PRMT7: variants seen among roughly 807,000 people sequenced by gnomAD.
The protein encoded by PRMT7 is protein arginine N-methyltransferase 7.
In PRMT7, 75 loss-of-function variants were observed where a neutral mutation model predicts 85.4. That is an observed-to-expected ratio of 0.88 (90% CI 0.73 to 1.06). The LOEUF is 1.06. Ranked by LOEUF, PRMT7 falls within the 50% of genes least tolerant of loss-of-function variation. PRMT7 has a pLI of 0.00. For missense variants in PRMT7, 868 were observed against 915.2 expected (o/e 0.95, Z 0.67); for synonymous variants, 397 against 359.5 (o/e 1.10, Z -1.18).
Position 68,339,788 on chromosome 16 carries a change from C to G in PRMT7, c.747C>G (p.Ser249Arg), listed in dbSNP as rs761909113. Residue 249 changes from serine (S) to arginine (R), a missense_variant and splice_region_variant, in exon 9 of 19, where the codon AGC becomes AGG. Physicochemically the swap from Ser to Arg is moderately radical, Grantham distance 110 (BLOSUM62 -1). Transcript: ENST00000441236. ...TACATTCTTGAATATTATTCCTCAG[C>G]ATAGACTTCAGCAAGCAAGTCAGTA... ...TVLSDVLPMF[S>R]IDFSKQVSSS... The G allele has an allele frequency of 3.1e-6, 5 of 1,612,806 alleles. No individual in the cohort carries two copies. Among genetic ancestry groups the G allele is most frequent in the Non-Finnish European group, 3.4e-6 (4 of 1,178,764 alleles).
chr16:68,348,523 T>A, intron 14 of PRMT7, 92 bp downstream of exon 14: 2 of 1,003,180 alleles, frequency 2.0e-6, no homozygotes, highest in Non-Finnish European at 3.0e-6. Context: ...GTCCCTGGAG[T>A]CTCACAGTGG....
At chr16:68,344,787 CCCA>C (rs780363337) in intron 9 of PRMT7, among the ~76,000 whole-genome samples, 5 of 151,874 alleles carry the variant, frequency 3.3e-5, no homozygotes, top group Non-Finnish European at 7.4e-5. Context: ...TTTGTATTTT[CCCA>C]CCTTTTTATT....
At position 68,345,776 on chromosome 16, in the gene PRMT7, C is replaced by T. The variant is rs193281700; in HGVS notation, c.1029C>T (p.Cys343=). The T allele has an allele frequency of 8.4e-4, 1,353 of 1,614,122 alleles. 9 individuals are homozygous for T. The highest frequency in any genetic ancestry group is 1.4e-4 in the Non-Finnish European group (165 of 1,180,026). The change falls in exon 10 of 19, where the codon TGC becomes TGT. Residue 343 remains cysteine, a synonymous_variant. Coordinates refer to ENST00000441236, the MANE Select transcript of PRMT7 (RefSeq NM_019023.5). ...LYLVAHHDDY[C]VWYSLQRTSP... ...TGGTAGCCCACCACGATGACTACTG[C>T]GTATGGTACAGCCTGCAGAGGACCA...
rs771526126 is a variant in PRMT7, at chr16:68,356,754, A to C, written c.1865A>C (p.Glu622Ala). Residue 622 changes from glutamate to alanine, a missense_variant, in exon 18 of 19, where the codon GAG (glutamate) becomes GCG (alanine). Transcript: ENST00000441236. The part of the protein sequence containing the change: ...VLWMEYHLTP[E>A]CTLSTGLLEP... ...TGGATGGAGTACCACCTGACCCCGG[A>C]GTGCACGCTCAGCACTGGCCTCCTG... 1.2e-6 allele frequency: 2 copies of C among 1,611,234 alleles called. No individual in the cohort carries two copies. Among genetic ancestry groups the C allele is most frequent in the Non-Finnish European group, 1.7e-6 (2 of 1,179,830 alleles).
At chr16:68,344,904 T>C (rs947844532) in intron 9 of PRMT7, among the ~76,000 whole-genome samples, 5 of 101,286 alleles carry the variant, frequency 4.9e-5, no homozygotes, top group Non-Finnish European at 9.9e-5. Context: ...TGCTTTATCT[T>C]TGTCTTTCTG....
chr16:68,321,612 C>T, intron 4 of PRMT7, 150 bp downstream of exon 4: 1 of 633,932 alleles, frequency 1.6e-6, no homozygotes, highest in East Asian at 2.8e-5. Context: ...AGACTGGGTC[C>T]TACTTCTGGC....
intron 6 of PRMT7, among the ~76,000 whole-genome samples, chr16:68,336,559 A>G (rs1048894245): frequency 2.2e-4 from 34 of 152,350 alleles, no homozygotes; most frequent in Non-Finnish European, 4.1e-4. Flanking sequence ...AGTATTTGAC[A>G]TACCAGCATT....
At chr16:68,335,960 A>G (rs550762168) in intron 6 of PRMT7, among the ~76,000 whole-genome samples, 1 of 152,178 alleles carries the variant, frequency 6.6e-6, no homozygotes, top group African/African-American at 2.4e-5. Context: ...TATTCTTAGT[A>G]GAGACAGGGT....
chr16:68,342,350 A>G (rs1309671557), intron 9 of PRMT7, among the ~76,000 whole-genome samples: 1 of 152,226 alleles, frequency 6.6e-6, no homozygotes, highest in Non-Finnish European at 1.5e-5. Context: ...GGACCCAGGA[A>G]TGATTAAGGG....
intron 9 of PRMT7, among the ~76,000 whole-genome samples, chr16:68,344,953 C>T (rs3890052): frequency 5.5e-5 from 2 of 36,594 alleles, no homozygotes; most frequent in Non-Finnish European, 5.9e-5. Context: ...CACACACACA[C>T]ACACGGGCAT....
At chr16:68,337,884 G>A (rs1162054832) in intron 7 of PRMT7, among the ~76,000 whole-genome samples, 2 of 152,352 alleles carry the variant, frequency 1.3e-5, no homozygotes, top group East Asian at 3.9e-4. Flanking sequence ...CCTGGCAGAT[G>A]GAATATTTCT....
chr16:68,314,312 C>A (rs763417908), intron 2 of PRMT7, among the ~76,000 whole-genome samples: 12 of 152,188 alleles, frequency 7.9e-5, no homozygotes, highest in Non-Finnish European at 1.3e-4. Flanking sequence ...CTCACTGCAA[C>A]CTCCGCCTCC....
chr16:68,341,174 G>T (rs1436182724), intron 9 of PRMT7, among the ~76,000 whole-genome samples: 3 of 152,128 alleles, frequency 2.0e-5, no homozygotes, highest in African/African-American at 7.2e-5. Context: ...TCATGTGCTT[G>T]TGTTATTTAC....
At chr16:68,337,939 C>T (rs964971648) in intron 7 of PRMT7, among the ~76,000 whole-genome samples, 3 of 152,084 alleles carry the variant, frequency 2.0e-5, no homozygotes, top group East Asian at 1.9e-4. Flanking sequence ...TGAATCGGTG[C>T]GGTGGCTCCG....
At chr16:68,352,444 G>A in intron 15 of PRMT7, 35 bp downstream of exon 15, 1 of 1,567,866 alleles carries the variant, frequency 6.4e-7, no homozygotes, top group South Asian at 1.1e-5. Flanking sequence ...GAAAAAAGCA[G>A]AGGAGGCGGG....
rs1447211716 is a variant in PRMT7, at chr16:68,336,296, A to G, written c.392-1163A>G. Among the ~76,000 whole-genome samples, 5 of 152,246 alleles carry G rather than the reference A, an allele frequency of 3.3e-5. No individual in the cohort carries two copies. The East Asian group carries it at 9.6e-4, about 29-fold the overall frequency. Reference sequence around the variant, plus strand: ...AAGTAGCAGTACATTACTGAGGTTTAGAAAACAGTTAACAGAAGATCCCTC... The same window carrying G: ...AAGTAGCAGTACATTACTGAGGTTTGGAAAACAGTTAACAGAAGATCCCTC... On this transcript the variant is annotated intron_variant, in intron 6 of 18. Transcript: ENST00000441236.
intron 6 of PRMT7, among the ~76,000 whole-genome samples, chr16:68,333,996 CA>C (rs2084297837): frequency 1.3e-5 from 2 of 152,162 alleles, no homozygotes; most frequent in African/African-American, 2.4e-5. Flanking sequence ...GTCTTGAACT[CA>C]TGACCTCAAG....
intron 9 of PRMT7, among the ~76,000 whole-genome samples, chr16:68,341,063 T>C (rs2151754469): frequency 6.6e-6 from 1 of 152,288 alleles, no homozygotes; most frequent in East Asian, 1.9e-4. Context: ...TTCCCAGAAA[T>C]TCGTAAAACT....
At position 68,346,230 on chromosome 16, in the gene PRMT7, G is replaced by C. The variant is rs1332841413; in HGVS notation, c.1141G>C (p.Glu381Gln). ...GCTCTGGAACCGGCCTCGGTTTGGA[G>C]AGATCAATGACCAGGACAGAACTGA... The part of the protein sequence containing the change: ...HLLWNRPRFG[E>Q]INDQDRTDRY... Residue 381 changes from glutamate to glutamine, a missense_variant, in exon 11 of 19, where the codon GAG becomes CAG. Coordinates refer to ENST00000441236, the MANE Select transcript of PRMT7 (RefSeq NM_019023.5). 6.2e-7 allele frequency: 1 copy of C among 1,614,112 alleles called. No homozygotes were observed. Among genetic ancestry groups the C allele is most frequent in the Non-Finnish European group, 8.5e-7 (1 of 1,180,054 alleles).
Sources: allele counts gnomAD v4.1 joint callset (sites outside exome capture counted in the v4.1 genomes callset), GRCh38; gene constraint gnomAD v4.1.1; transcripts MANE v1.5; gene names NCBI Gene and HGNC (gene_info 2026-07-23, HGNC 2026-07-21).